The following IFT20 variants were observed in gnomAD, a reference collection of about 807,000 sequenced individuals.
IFT20 encodes the protein intraflagellar transport 20, also known as intraflagellar transport protein 20 homolog.
Under a neutral mutation model 16.9 loss-of-function variants are expected in IFT20, and 4 were observed. The observed-to-expected ratio is 0.24, with a 90% CI of 0.12 to 0.54. IFT20 has a LOEUF of 0.54. Among genes scored for constraint, IFT20 ranks in the 20% least tolerant of loss-of-function variants. The probability of loss-of-function intolerance (pLI) is 0.95; values close to 1 mark genes in which losing one functional copy is unlikely to be tolerated. For synonymous variants in IFT20, 48 were observed against 49.9 expected (o/e 0.96, Z 0.16); for missense variants, 154 against 149.7 (o/e 1.03, Z -0.15).
rs377113911 is a variant in IFT20 at position 28,330,418 on chromosome 17, T to C, written c.213+25A>G. On this transcript the variant is annotated intron_variant, in intron 3 of 4. Coordinates refer to ENST00000395418, the MANE Select transcript of IFT20 (RefSeq NM_001267776.2). ...TGAACTAGGGTCCCAGGCCAAGATG[T>C]AGGCGGAAGACATGCTGATCTTACC... The C allele has an allele frequency of 7.7e-6, 12 of 1,553,660 alleles. No individual in the cohort carries two copies. In the African/African-American group the frequency reaches 1.1e-4, roughly 14 times the overall value.
At chr17:28,332,513 T>C (rs1356612983) in intron 1 of IFT20, 2 of 294,106 alleles carry the variant, frequency 6.8e-6, no homozygotes, top group East Asian at 1.6e-4. Context: ...TTGTAAGCCA[T>C]CAGTGTATTT....
At chr17:28,333,107 A>ACG (rs1555576829) in intron 1 of IFT20, among the ~76,000 whole-genome samples, 1 of 150,828 alleles carries the variant, frequency 6.6e-6, no homozygotes, top group Admixed American at 6.6e-5. Flanking sequence ...ACACACACAC[A>ACG]ATTAAACATA....
chr17:28,335,301 C>T (rs1313534986), intron 1 of IFT20, 39 bp downstream of exon 1: 3 of 152,256 alleles, frequency 2.0e-5, no homozygotes, highest in African/African-American at 2.4e-5. Context: ...TCCTCTCGCC[C>T]CTGGTCCGCC....
In IFT20 at chr17:28,328,672, G is replaced by T; in HGVS notation, c.379C>A (p.Gln127Lys). The T allele has an allele frequency of 6.2e-7, 1 of 1,602,502 alleles. No individual in the cohort carries two copies. The highest frequency in any genetic ancestry group is 1.1e-5 in the South Asian group (1 of 88,508). Residue 127 changes from glutamine to lysine, a missense_variant, in exon 5 of 5, where the codon CAA becomes AAA. Coordinates refer to ENST00000395418, the MANE Select transcript of IFT20 (RefSeq NM_001267776.2). Reference sequence around the variant, plus strand: ...TCAGTTCATTTCTGAAAAATAAATTGGTCAATAAATTCATTTTGTTCTGCT... The same window carrying T: ...TCAGTTCATTTCTGAAAAATAAATTTGTCAATAAATTCATTTTGTTCTGCT... ...VEAEQNEFID[Q>K]FIFQK
At chr17:28,330,668 T>G (rs1164998152) in intron 2 of IFT20, 140 bp from the exon 3 acceptor site, 2 of 639,266 alleles carry the variant, frequency 3.1e-6, no homozygotes, top group Non-Finnish European at 5.6e-6. Flanking sequence ...CCAGGCGTGG[T>G]GGAGAGCAAC....
rs545305021 is a variant in IFT20, at chr17:28,330,680, G to A, written c.128-152C>T. 3.4e-5 allele frequency: 21 copies of A among 623,544 alleles called. No individual in the cohort carries two copies. The East Asian group carries it at 5.8e-4, about 17-fold the overall frequency. The allele number at this position is 623,544 out of a possible 1,614,324, so 38.6% of individuals were successfully genotyped here. A position where few individuals can be genotyped will look rare whatever the true frequency, so the allele number is the denominator to read the frequency against. ...GGGCCAGGCGTGGTGGAGAGCAACTGTAGTCCCAGCTACTCAGGGGGCTGA... is the reference window on the plus strand; with the variant it reads ...GGGCCAGGCGTGGTGGAGAGCAACTATAGTCCCAGCTACTCAGGGGGCTGA... On this transcript the variant is annotated intron_variant, in intron 2 of 4. Transcript: ENST00000395418.
At chr17:28,332,048 C>T (rs1241571680) in intron 1 of IFT20, 61 bp from the exon 2 acceptor site, 2 of 1,612,204 alleles carry the variant, frequency 1.2e-6, no homozygotes, top group African/African-American at 1.3e-5. Context: ...ATGCCTGCTG[C>T]CAAGCCAGCC....
At chr17:28,330,356 C>G in intron 3 of IFT20, 87 bp downstream of exon 3, 1 of 952,598 alleles carries the variant, frequency 1.0e-6, no homozygotes, top group Non-Finnish European at 1.7e-6. Flanking sequence ...CTCTACCCCT[C>G]TAAATAAATC....
intron 1 of IFT20, among the ~76,000 whole-genome samples, chr17:28,334,645 C>G (rs530022570): frequency 6.6e-6 from 1 of 152,380 alleles, no homozygotes; most frequent in East Asian, 1.9e-4. Context: ...CACTCTAACC[C>G]TAGCACCTAG....
rs1906569271 is a variant in IFT20, at chr17:28,329,283, T to C, written c.214-7A>G. ...AGTTCCGAGCACCGATGGCCTACAG[T>C]ATTGCCAGAGAAGGCCATGGCTTCA... On this transcript the variant is annotated splice_polypyrimidine_tract_variant and splice_region_variant and intron_variant, in intron 3 of 4. Transcript: ENST00000395418. 2 of 1,610,998 alleles carry C rather than the reference T, an allele frequency of 1.2e-6. No individual in the cohort carries two copies. Among genetic ancestry groups the C allele is most frequent in the Non-Finnish European group, 1.7e-6 (2 of 1,177,996 alleles).
chr17:28,331,411 T>G (rs1202799550), intron 2 of IFT20: 1 of 161,262 alleles, frequency 6.2e-6, no homozygotes, highest in Non-Finnish European at 1.4e-5. Context: ...TCCTGAAGAT[T>G]TCCAGCCAAA....
At chr17:28,330,198 T>G in intron 3 of IFT20, 1 of 614,156 alleles carries the variant, frequency 1.6e-6, no homozygotes, top group African/African-American at 1.9e-5. Flanking sequence ...ATTGCACCAG[T>G]GCACTCCAGC....
intron 4 of IFT20, 47 bp downstream of exon 4, chr17:28,329,126 G>A (rs1555576018): frequency 3.1e-6 from 4 of 1,285,892 alleles, no homozygotes; most frequent in Non-Finnish European, 4.5e-6. Context: ...AAGGAAGAGT[G>A]GAAATTCAGC....
chr17:28,331,867 A>G lies in IFT20; in HGVS notation c.119T>C (p.Phe40Ser). 1 of 1,614,092 alleles carries G rather than the reference A, an allele frequency of 6.2e-7. No individual in the cohort carries two copies. Among genetic ancestry groups the G allele is most frequent in the Admixed American group, 1.7e-5 (1 of 60,010 alleles). ...TIELKEECKD[F>S]VDKIGQFQKI... ...ATCTCCCCAATACTCACTGTCCACA[A>G]AGTCTTTGCACTCTTCCTTCAGCTC... Residue 40 changes from phenylalanine to serine, a missense_variant, in exon 2 of 5, where the codon TTT becomes TCT. Phe to Ser is a radical substitution (Grantham distance 155, BLOSUM62 -2). Transcript: ENST00000395418.
rs189455818 is a variant in IFT20, at chr17:28,329,028, T to C, written c.317+145A>G. ...CTTCCCATCAAATGTAATTTTATTT[T>C]TTAAAATCTTCAAATCAGGATGACA... On this transcript the variant is annotated intron_variant, in intron 4 of 4. Transcript: ENST00000395418. 2.4e-4 allele frequency: 155 copies of C among 653,402 alleles called. No homozygotes were observed. The East Asian group carries it at 4.2e-3, about 18-fold the overall frequency. 40.5% of individuals were successfully genotyped at this position (653,402 alleles called of 1,614,324 possible).
At chr17:28,330,708 T>G (rs1216093358) in intron 2 of IFT20, among the ~76,000 whole-genome samples, 180 bp from the exon 3 acceptor site, 1 of 152,032 alleles carries the variant, frequency 6.6e-6, no homozygotes, top group Non-Finnish European at 1.5e-5. Context: ...GGGGCTGAGG[T>G]GGGAGGATCA....
intron 1 of IFT20, chr17:28,332,442 ACAT>A: frequency 2.3e-6 from 1 of 443,030 alleles, no homozygotes; most frequent in Non-Finnish European, 4.2e-6. Context: ...TTGTTTAGAA[ACAT>A]CAGTAAAGAG....
chr17:28,329,294 A>G lies in IFT20; in HGVS notation c.214-18T>C. On this transcript the variant is annotated intron_variant, in intron 3 of 4. Coordinates refer to ENST00000395418, the MANE Select transcript of IFT20 (RefSeq NM_001267776.2). ...CCGATGGCCTACAGTATTGCCAGAG[A>G]AGGCCATGGCTTCATTAAAACCATC... The G allele has an allele frequency of 6.3e-7, 1 of 1,595,904 alleles. No individual in the cohort carries two copies. The highest frequency in any genetic ancestry group is 8.6e-7 in the Non-Finnish European group (1 of 1,164,800).
intron 1 of IFT20, chr17:28,332,352 C>A (rs552454713): frequency 1.2e-4 from 82 of 712,254 alleles, no homozygotes; most frequent in Middle Eastern, 8.1e-4. Flanking sequence ...GAATGCAACA[C>A]GGTGCCCGCC....
Sources: allele counts gnomAD v4.1 joint callset (sites outside exome capture counted in the v4.1 genomes callset), GRCh38; gene constraint gnomAD v4.1.1; transcripts MANE v1.5; gene names NCBI Gene and HGNC (gene_info 2026-07-23, HGNC 2026-07-21).